TUSC3: variants seen among roughly 807,000 people sequenced by gnomAD.
TUSC3 encodes the protein dolichyl-diphosphooligosaccharide--protein glycosyltransferase subunit TUSC3.
Under a neutral mutation model 44.8 loss-of-function variants are expected in TUSC3, and 45 were observed. The observed-to-expected ratio is 1.00, with a 90% CI of 0.79 to 1.29. TUSC3 has a LOEUF of 1.29. Among genes scored for constraint, TUSC3 ranks in the 50% most tolerant of loss-of-function variants. TUSC3 has a pLI of 0.00. For missense variants in TUSC3, 519 were observed against 437.9 expected, an observed-to-expected ratio of 1.19 and a Z score of -1.65; for synonymous variants, 212 against 152.9, an observed-to-expected ratio of 1.39 and a Z score of -2.85.
At chr8:15,817,104 C>A in the TUSC3 span, among the ~76,000 whole-genome samples, 1 of 152,234 alleles carries the variant, frequency 6.6e-6, no homozygotes, top group South Asian at 2.1e-4. Flanking sequence ...CTAAAAGGGA[C>A]CATCAGTCAC....
intron 2 of TUSC3, among the ~76,000 whole-genome samples, chr8:15,628,017 A>AT (rs1247195728): frequency 3.9e-5 from 6 of 152,208 alleles, no homozygotes; most frequent in African/African-American, 1.4e-4. Flanking sequence ...ACATTAAGGG[A>AT]TGCTATAAAG....
chr8:15,480,926 GAAAC>G (rs1469897763), intron 1 of TUSC3, among the ~76,000 whole-genome samples: 3 of 152,122 alleles, frequency 2.0e-5, no homozygotes, highest in Non-Finnish European at 2.9e-5. Context: ...GCATGGATTG[GAAAC>G]TTAATCACCT....
chr8:15,576,249 CTTTCT>C (rs997108429), intron 1 of TUSC3, among the ~76,000 whole-genome samples: 19 of 7,828 alleles, frequency 2.4e-3, no homozygotes, highest in Middle Eastern at 0.083. Context: ...TCTGCTTTTT[CTTTCT>C]TTTTTTTTTT....
chr8:15,481,976 A>C (rs139466315), intron 1 of TUSC3, among the ~76,000 whole-genome samples: 255 of 152,294 alleles, frequency 1.7e-3, no homozygotes, highest in African/African-American at 5.9e-3. Flanking sequence ...ACCACTTTGA[A>C]AATCGGAGTC....
chr8:15,570,576 T>G (rs1227705716), intron 1 of TUSC3, among the ~76,000 whole-genome samples: 1 of 152,200 alleles, frequency 6.6e-6, no homozygotes, highest in East Asian at 1.9e-4. Flanking sequence ...TTGTTACATT[T>G]CAATGTAGTT....
intron 3 of TUSC3, among the ~76,000 whole-genome samples, chr8:15,651,526 C>G (rs951883844): frequency 6.6e-6 from 1 of 152,084 alleles, no homozygotes; most frequent in African/African-American, 2.4e-5. Flanking sequence ...GAACCCTAGT[C>G]CAAAGGGACT....
chr8:15,496,007 G>C (rs1800875677), intron 2 of TUSC3, among the ~76,000 whole-genome samples: 2 of 152,066 alleles, frequency 1.3e-5, no homozygotes, highest in South Asian at 2.1e-4. Flanking sequence ...ATCTAACCAA[G>C]TGGCCTCTAC....
chr8:15,649,802 G>C (rs910850739), intron 2 of TUSC3, among the ~76,000 whole-genome samples: 2 of 152,038 alleles, frequency 1.3e-5, no homozygotes, highest in African/African-American at 4.8e-5. Flanking sequence ...TCTGCTCCAA[G>C]TCCTTTTGTT....
At chr8:15,767,249 AC>A (rs1373474292), downstream of TUSC3, among the ~76,000 whole-genome samples, 1 of 152,128 alleles carries the variant, frequency 6.6e-6, no homozygotes, top group Non-Finnish European at 1.5e-5. Flanking sequence ...TATATCATAT[AC>A]CAAGGGTCCA....
At position 15,674,807 on chromosome 8, in the gene TUSC3, T is replaced by G. The variant is rs569997822; in HGVS notation, c.798+971T>G. 2.6e-5 allele frequency among the ~76,000 whole-genome samples: 4 copies of G among 152,176 alleles called. No homozygotes were observed. In the East Asian group the frequency reaches 7.7e-4, roughly 29 times the overall value. On this transcript the variant is annotated intron_variant, in intron 6 of 10. Transcript: ENST00000503731. The stretch of plus-strand genomic sequence containing the variant: ...ATATGTTTTTAAAATCTGGCATTAT[T>G]TAGAAGAGTAATTTCAGAAAGTCTT...
chr8:15,693,441 CTT>C lies in TUSC3; in HGVS notation c.798+19628_798+19629del, dbSNP rs35915071. On this transcript the variant is annotated intron_variant, in intron 6 of 10. Coordinates refer to ENST00000503731, the MANE Select transcript of TUSC3 (RefSeq NM_006765.4). Reference sequence around the variant, plus strand: ...GATATAAAACTCTTGGTTGGAAGTTCTTTTTTTTTTTTTTTTTTTTTTTTAAA... The same window carrying C: ...GATATAAAACTCTTGGTTGGAAGTTCTTTTTTTTTTTTTTTTTTTTTTAAA... 1.8e-3 allele frequency among the ~76,000 whole-genome samples: 177 copies of C among 96,888 alleles called. 3 individuals carry two copies. The highest frequency in any genetic ancestry group is 0.023 in the Middle Eastern group (2 of 86). 63.6% of individuals were successfully genotyped at this position (96,888 alleles called of 152,430 possible).
the TUSC3 span, among the ~76,000 whole-genome samples, chr8:15,812,306 A>AATT: frequency 1.3e-5 from 2 of 152,204 alleles, no homozygotes; most frequent in African/African-American, 4.8e-5. Flanking sequence ...TAGAGAAGGT[A>AATT]ACATTCAGGA....
chr8:15,550,617 A>G (rs1205037718), intron 1 of TUSC3, among the ~76,000 whole-genome samples: 1 of 151,386 alleles, frequency 6.6e-6, no homozygotes, highest in African/African-American at 2.4e-5. Context: ...CTGTTTCATT[A>G]CTATCATGAT....
chr8:15,469,502 A>G (rs968355370), intron 1 of TUSC3, among the ~76,000 whole-genome samples: 2 of 152,206 alleles, frequency 1.3e-5, no homozygotes, highest in Admixed American at 1.3e-4. Flanking sequence ...CTAACACTAA[A>G]TGCTGGAGAG....
chr8:15,554,077 A>C (rs1253498816), intron 1 of TUSC3, among the ~76,000 whole-genome samples: 1 of 151,580 alleles, frequency 6.6e-6, no homozygotes, highest in Non-Finnish European at 1.5e-5. Context: ...ACTTTCTCGG[A>C]GATGGCACTT....
At chr8:15,530,424 T>G (rs1486752802) in intron 2 of TUSC3, among the ~76,000 whole-genome samples, 1 of 152,202 alleles carries the variant, frequency 6.6e-6, no homozygotes, top group Non-Finnish European at 1.5e-5. Flanking sequence ...ATTTATAATG[T>G]GTTAGATGCT....
chr8:15,485,464 C>CTTTTTTT (rs11372919), intron 2 of TUSC3, among the ~76,000 whole-genome samples: 7 of 135,238 alleles, frequency 5.2e-5, no homozygotes, highest in East Asian at 2.2e-4. Context: ...ACTCTGTTGT[C>CTTTTTTT]TTTTTTTTTT....
intron 2 of TUSC3, among the ~76,000 whole-genome samples, chr8:15,503,978 C>G (rs186589566): frequency 1.3e-5 from 2 of 148,448 alleles, no homozygotes; most frequent in East Asian, 4.0e-4. Context: ...CGCACCACTG[C>G]TCTCCAGCCT....
At chr8:15,722,305 G>A (rs2129204640) in intron 6 of TUSC3, among the ~76,000 whole-genome samples, 1 of 151,426 alleles carries the variant, frequency 6.6e-6, no homozygotes, top group African/African-American at 2.4e-5. Flanking sequence ...TATTGACAGG[G>A]TAATAAAGGT....
Sources: gnomAD v4.1 joint callset for allele counts (sites outside exome capture counted in the v4.1 genomes callset) on GRCh38, gnomAD v4.1.1 for gene constraint, MANE v1.5 for transcripts, NCBI Gene and HGNC (gene_info 2026-07-23, HGNC 2026-07-21) for gene names.